SV2C: variants seen among roughly 807,000 people sequenced by gnomAD.
The protein encoded by SV2C is solute carrier family 22 member B3.
In SV2C, 49 loss-of-function variants were observed where a neutral mutation model predicts 79.7. The observed-to-expected ratio is 0.61, with a 90% CI of 0.49 to 0.78. SV2C has a LOEUF of 0.78. SV2C is among the 30% of genes least tolerant of loss of function. The pLI, the probability that SV2C is intolerant of heterozygous loss-of-function variation, is 0.00. For synonymous variants in SV2C, 334 were observed against 333.2 expected (o/e 1.00, Z -0.03); for missense variants, 833 against 912.9 (o/e 0.91, Z 1.13).
At chr5:76,273,147 A>T (rs1427990832) in intron 4 of SV2C, among the ~76,000 whole-genome samples, 2 of 113,636 alleles carry the variant, frequency 1.8e-5, no homozygotes, top group East Asian at 3.0e-4. Context: ...TACAAAAAAG[A>T]TATATATATA....
At chr5:75,932,439 C>G in the SV2C span, among the ~76,000 whole-genome samples, 1 of 121,330 alleles carries the variant, frequency 8.2e-6, no homozygotes, top group Admixed American at 8.0e-5. Flanking sequence ...GATACAGAAA[C>G]AGAGTGCAAA....
Position 76,227,893 on chromosome 5 carries a change from A to G in SV2C, c.913+18006A>G, listed in dbSNP as rs1241171739. On this transcript the variant is annotated intron_variant, in intron 4 of 12. Transcript: ENST00000502798. The stretch of plus-strand genomic sequence containing the variant: ...GAAGGGGAGGCATTCATCTTGTCCC[A>G]TCGCGGCTCACTTAGCTGAGACCTC... Among the ~76,000 whole-genome samples the G allele has an allele frequency of 3.9e-5, 6 of 152,194 alleles. No homozygotes were observed. The East Asian group carries it at 9.6e-4, about 24-fold the overall frequency.
chr5:76,277,729 G>T lies in SV2C; in HGVS notation c.914-7433G>T, dbSNP rs147981467. Among the ~76,000 whole-genome samples the T allele has an allele frequency of 4.3e-3, 656 of 151,246 alleles. 4 individuals are homozygous for T. The highest frequency in any genetic ancestry group is 7.4e-3 in the Non-Finnish European group (501 of 67,942). ...GCTGAGATCACGCCACTGCACGCCA[G>T]CCTGGGTGACCTAGGAGACCTGTCT... is the stretch of plus-strand genomic sequence containing the variant. On this transcript the variant is annotated intron_variant, in intron 4 of 12. Coordinates refer to ENST00000502798, the MANE Select transcript of SV2C (RefSeq NM_014979.4).
At chr5:76,041,768 G>T in the SV2C span, among the ~76,000 whole-genome samples, 7 of 152,110 alleles carry the variant, frequency 4.6e-5, no homozygotes, top group South Asian at 1.4e-3. Context: ...CCCCTCCTCA[G>T]CTCCATTGTG....
At chr5:76,040,843 A>G in the SV2C span, among the ~76,000 whole-genome samples, 1 of 152,228 alleles carries the variant, frequency 6.6e-6, no homozygotes, top group African/African-American at 2.4e-5. Flanking sequence ...CATGTTTTCA[A>G]ATCAAGAAAC....
intron 4 of SV2C, among the ~76,000 whole-genome samples, chr5:76,233,542 T>G (rs1049674184): frequency 2.1e-5 from 3 of 146,048 alleles, no homozygotes; most frequent in East Asian, 3.9e-4. Flanking sequence ...ATGCTTCCAG[T>G]TTTTGCCCAT....
Position 76,189,586 on chromosome 5 carries a change from T to C in SV2C, c.581-5333T>C, listed in dbSNP as rs558291543. On this transcript the variant is annotated intron_variant, in intron 2 of 12. Coordinates refer to ENST00000502798, the MANE Select transcript of SV2C (RefSeq NM_014979.4). The stretch of plus-strand genomic sequence containing the variant: ...TATAAATATGTATGTAAATATGGTG[T>C]TTTAACCTATAAGCATACATTCGTT... Among the ~76,000 whole-genome samples the C allele has an allele frequency of 1.7e-4, 26 of 152,286 alleles. No homozygotes were observed. In the South Asian group the frequency reaches 5.2e-3, roughly 30 times the overall value.
chr5:75,955,458 G>T, the SV2C span, among the ~76,000 whole-genome samples: 1 of 150,620 alleles, frequency 6.6e-6, no homozygotes, highest in African/African-American at 2.5e-5. Flanking sequence ...GAAAACTTAG[G>T]CATTACCATT....
At chr5:76,257,774 GTGTA>G (rs535681322) in intron 4 of SV2C, among the ~76,000 whole-genome samples, 15 of 151,434 alleles carry the variant, frequency 9.9e-5, no homozygotes, top group African/African-American at 3.6e-4. Context: ...TGGTATATGG[GTGTA>G]TGTAGTATAG....
the SV2C span, among the ~76,000 whole-genome samples, chr5:75,864,925 AGAC>A: frequency 0.24 from 36,576 of 152,030 alleles, 6,546 homozygotes; most frequent in African/African-American, 0.51. Context: ...CAGCATGTCC[AGAC>A]TGCTATGCAA....
At chr5:76,264,628 C>G (rs555761050) in intron 4 of SV2C, among the ~76,000 whole-genome samples, 1 of 152,144 alleles carries the variant, frequency 6.6e-6, no homozygotes, top group South Asian at 2.1e-4. Flanking sequence ...GTGTGGGAGT[C>G]CTTTTTGTTG....
chr5:75,982,133 T>G, the SV2C span, among the ~76,000 whole-genome samples: 1 of 147,492 alleles, frequency 6.8e-6, no homozygotes, highest in Non-Finnish European at 1.5e-5. Flanking sequence ...TAATGCTAGA[T>G]GACGAGTTAG....
the SV2C span, among the ~76,000 whole-genome samples, chr5:76,048,858 G>C: frequency 6.8e-6 from 1 of 147,290 alleles, no homozygotes; most frequent in Admixed American, 6.8e-5. Flanking sequence ...AGAAAGGAAG[G>C]GGGTGAGAGA....
chr5:75,935,587 T>G, the SV2C span, among the ~76,000 whole-genome samples: 1 of 152,310 alleles, frequency 6.6e-6, no homozygotes, highest in Middle Eastern at 3.4e-3. Flanking sequence ...CTATAGATAC[T>G]ATAGAGCTGT....
the SV2C span, among the ~76,000 whole-genome samples, chr5:75,946,910 C>G: frequency 6.6e-6 from 1 of 151,980 alleles, no homozygotes; most frequent in African/African-American, 2.4e-5. Flanking sequence ...TTACTGTATG[C>G]CAGATAAAAA....
At chr5:76,118,476 A>G (rs1204448301) in intron 1 of SV2C, among the ~76,000 whole-genome samples, 2 of 152,230 alleles carry the variant, frequency 1.3e-5, no homozygotes, top group African/African-American at 2.4e-5. Context: ...AAAATGGGAA[A>G]AGGATAAAAG....
At chr5:76,131,309 G>A (rs1748881842) in intron 1 of SV2C, among the ~76,000 whole-genome samples, 1 of 152,094 alleles carries the variant, frequency 6.6e-6, no homozygotes, top group South Asian at 2.1e-4. Context: ...TATGCTTGTA[G>A]CATTTCAAAA....
At position 76,202,219 on chromosome 5, in the gene SV2C, G is replaced by A. The variant is rs146415771; in HGVS notation, c.761+7120G>A. ...TAAAATTGTTTAAGACTTTTAAAAT[G>A]TATTTTATCAAACACCTCTATAGTG... On this transcript the variant is annotated intron_variant, in intron 3 of 12. Transcript: ENST00000502798. 1.4e-3 allele frequency among the ~76,000 whole-genome samples: 214 copies of A among 152,210 alleles called. 1 individual carries two copies. Among genetic ancestry groups the A allele is most frequent in the Non-Finnish European group, 2.4e-3 (163 of 68,008 alleles).
At chr5:76,038,508 A>G in the SV2C span, among the ~76,000 whole-genome samples, 1 of 152,206 alleles carries the variant, frequency 6.6e-6, no homozygotes, top group Non-Finnish European at 1.5e-5. Flanking sequence ...GTGGGGTGGA[A>G]GTAATATTGT....
Sources: allele counts gnomAD v4.1 joint callset (sites outside exome capture counted in the v4.1 genomes callset), GRCh38; gene constraint gnomAD v4.1.1; transcripts MANE v1.5; gene names NCBI Gene and HGNC (gene_info 2026-07-23, HGNC 2026-07-21).